ADORA2B: variants seen among roughly 807,000 people sequenced by gnomAD.
The protein encoded by ADORA2B is adenosine receptor A2b.
Under a neutral mutation model 20.8 loss-of-function variants are expected in ADORA2B, and 18 were observed. The ratio of observed to expected loss-of-function variants is 0.87; its 90% CI spans 0.60 to 1.29. ADORA2B has a LOEUF of 1.29. Ranked by LOEUF, ADORA2B falls within the 50% of genes most tolerant of loss-of-function variation. The pLI, the probability that ADORA2B is intolerant of heterozygous loss-of-function variation, is 0.00. For synonymous variants in ADORA2B, 179 were observed against 178.3 expected (o/e 1.00, Z -0.03); for missense variants, 441 against 422.7 (o/e 1.04, Z -0.38).
At chr17:15,918,802 C>T in the ADORA2B span, among the ~76,000 whole-genome samples, 5 of 152,142 alleles carry the variant, frequency 3.3e-5, no homozygotes. Flanking sequence ...AAGTACACCT[C>T]CTGCAATATT....
At chr17:15,970,615 A>C (rs2151609906) in intron 1 of ADORA2B, among the ~76,000 whole-genome samples, 1 of 152,208 alleles carries the variant, frequency 6.6e-6, no homozygotes, top group East Asian at 1.9e-4. Flanking sequence ...CTTATTTGTG[A>C]AATAAGAGAG....
intron 1 of ADORA2B, among the ~76,000 whole-genome samples, chr17:15,954,927 G>A (rs1969948243): frequency 6.6e-6 from 1 of 152,072 alleles, no homozygotes; most frequent in African/African-American, 2.4e-5. Flanking sequence ...CTCTCCTCTG[G>A]GAACCTTTGG....
chr17:15,957,567 C>A (rs1356434047), intron 1 of ADORA2B, among the ~76,000 whole-genome samples: 2 of 152,118 alleles, frequency 1.3e-5, no homozygotes, highest in Non-Finnish European at 2.9e-5. Context: ...CTGGGTGATG[C>A]CATCCTGAAG....
intron 1 of ADORA2B, among the ~76,000 whole-genome samples, chr17:15,972,659 G>A (rs1327137355): frequency 6.6e-6 from 1 of 152,156 alleles, no homozygotes; most frequent in Non-Finnish European, 1.5e-5. Flanking sequence ...TCTGATACAT[G>A]TTGTATCTCT....
chr17:15,857,428 C>G, the ADORA2B span, among the ~76,000 whole-genome samples: 2 of 152,216 alleles, frequency 1.3e-5, no homozygotes, highest in African/African-American at 2.4e-5. Context: ...AAGAGGGACA[C>G]CATCCTCCAG....
At chr17:15,920,375 A>T in the ADORA2B span, among the ~76,000 whole-genome samples, 1 of 152,224 alleles carries the variant, frequency 6.6e-6, no homozygotes, top group African/African-American at 2.4e-5. Context: ...TATACAAAAT[A>T]AATAAAAGTT....
intron 1 of ADORA2B, among the ~76,000 whole-genome samples, chr17:15,970,628 T>A (rs551701650): frequency 6.6e-6 from 1 of 152,234 alleles, no homozygotes; most frequent in Admixed American, 6.5e-5. Flanking sequence ...TAAGAGAGAT[T>A]GGACTAGAAA....
chr17:15,966,335 T>G (rs1363886150), intron 1 of ADORA2B, among the ~76,000 whole-genome samples: 2 of 152,216 alleles, frequency 1.3e-5, no homozygotes, highest in Non-Finnish European at 2.9e-5. Flanking sequence ...AGGCGGGTTC[T>G]GGGGCTAGTG....
the ADORA2B span, among the ~76,000 whole-genome samples, chr17:15,900,967 G>A: frequency 2.0e-5 from 3 of 152,154 alleles, no homozygotes; most frequent in Non-Finnish European, 2.9e-5. Flanking sequence ...CAGTCAGAAC[G>A]TGTGTCCCCA....
At chr17:15,890,983 G>A in the ADORA2B span, among the ~76,000 whole-genome samples, 1 of 152,200 alleles carries the variant, frequency 6.6e-6, no homozygotes, top group African/African-American at 2.4e-5. Context: ...TTGGATATCT[G>A]TGGCTGGATG....
At chr17:15,913,824 T>C in the ADORA2B span, among the ~76,000 whole-genome samples, 1 of 152,238 alleles carries the variant, frequency 6.6e-6, no homozygotes, top group Non-Finnish European at 1.5e-5. Context: ...ACCAGATCAT[T>C]ACCCTCATAT....
chr17:15,948,398 C>CGGTGGAGGGGGGGGGG (rs61613212), intron 1 of ADORA2B, among the ~76,000 whole-genome samples: 1 of 22,602 alleles, frequency 4.4e-5, no homozygotes, highest in African/African-American at 6.7e-5. Flanking sequence ...TGGGCCCTGG[C>CGGTGGAGGGGGGGGGG]GGCGGGGGGC....
the ADORA2B span, among the ~76,000 whole-genome samples, chr17:15,900,055 C>A: frequency 1.3e-5 from 2 of 152,054 alleles, no homozygotes; most frequent in African/African-American, 4.8e-5. Context: ...TGGTCTCGAT[C>A]TCTTGACCTC....
intron 1 of ADORA2B, among the ~76,000 whole-genome samples, chr17:15,960,271 TG>T (rs57552436): frequency 0.92 from 110,062 of 119,158 alleles, 51,731 homozygotes; most frequent in Non-Finnish European, 0.99. Flanking sequence ...AGGCACAAAT[TG>T]GGCCGGGCGC....
intron 1 of ADORA2B, among the ~76,000 whole-genome samples, chr17:15,964,466 A>G (rs1431031019): frequency 6.6e-6 from 1 of 151,206 alleles, no homozygotes; most frequent in Middle Eastern, 3.2e-3. Context: ...AAAATTAACC[A>G]GGTGTGGTGG....
intron 1 of ADORA2B, among the ~76,000 whole-genome samples, chr17:15,955,166 A>C (rs1319972205): frequency 6.6e-6 from 1 of 152,114 alleles, no homozygotes; most frequent in Non-Finnish European, 1.5e-5. Context: ...TTTCAACCAA[A>C]CACAGATTGA....
Position 15,974,965 on chromosome 17 carries a change from G to A in ADORA2B, c.622G>A (p.Val208Met), listed in dbSNP as rs752291604. The change falls in exon 2 of 2, where the codon GTG becomes ATG. Residue 208 changes from valine to methionine, a missense_variant. Transcript: ENST00000304222. The part of the protein sequence containing the change: ...MLVIYIKIFL[V>M]ACRQLQRTEL... ...GGTGATCTACATTAAGATCTTCCTGGTGGCCTGCAGGCAGCTTCAGCGCAC... is the reference window on the plus strand; with the variant it reads ...GGTGATCTACATTAAGATCTTCCTGATGGCCTGCAGGCAGCTTCAGCGCAC... 1 of 1,614,054 alleles carries A rather than the reference G, an allele frequency of 6.2e-7. No homozygotes were observed. Among genetic ancestry groups the A allele is most frequent in the Non-Finnish European group, 8.5e-7 (1 of 1,180,020 alleles).
the ADORA2B span, among the ~76,000 whole-genome samples, chr17:15,883,069 G>C: frequency 6.6e-6 from 1 of 152,204 alleles, no homozygotes; most frequent in South Asian, 2.1e-4. Flanking sequence ...ATTTGGGAAA[G>C]AGAAGTAATT....
At chr17:15,861,229 C>G in the ADORA2B span, among the ~76,000 whole-genome samples, 1 of 152,164 alleles carries the variant, frequency 6.6e-6, no homozygotes, top group Admixed American at 6.5e-5. Flanking sequence ...ACTAAATAGG[C>G]AAAGTACTTG....
Sources: allele counts gnomAD v4.1 joint callset (sites outside exome capture counted in the v4.1 genomes callset), GRCh38; gene constraint gnomAD v4.1.1; transcripts MANE v1.5; gene names NCBI Gene and HGNC (gene_info 2026-07-23, HGNC 2026-07-21).